The following KIF26B variants were observed in gnomAD, a reference collection of about 807,000 sequenced individuals.
KIF26B encodes the protein kinesin family member 26B.
Under a neutral mutation model 151.2 loss-of-function variants are expected in KIF26B, and 63 were observed. That is an observed-to-expected ratio of 0.42 (90% CI 0.34 to 0.51). The LOEUF is 0.51. Ranked by LOEUF, KIF26B falls within the 20% of genes least tolerant of loss-of-function variation. The pLI is 0.07. For synonymous variants in KIF26B, 1,357 were observed against 1,262.1 expected, an observed-to-expected ratio of 1.08 and a Z score of -1.59; for missense variants, 2,813 against 2,913.6, an observed-to-expected ratio of 0.97 and a Z score of 0.79.
rs1187463221 is a variant in KIF26B, at chr1:245,705,323, T to C, written c.*2717T>C. The C allele has an allele frequency of 6.6e-6, 1 of 152,186 alleles. No homozygotes were observed. Among genetic ancestry groups the C allele is most frequent in the African/African-American group, 2.4e-5 (1 of 41,434 alleles). 9.4% of individuals were successfully genotyped at this position (152,186 alleles called of 1,614,324 possible). A position where few individuals can be genotyped will look rare whatever the true frequency, so the allele number is the denominator to read the frequency against. On this transcript the variant is annotated 3_prime_UTR_variant, in exon 15 of 15. Transcript: ENST00000407071. The stretch of plus-strand genomic sequence containing the variant: ...AGCTGCAAACATGTTAATTTACCAA[T>C]ATTGATAAACCACATGAAGAAATCA...
At chr1:245,230,849 G>A (rs186403494) in intron 2 of KIF26B, among the ~76,000 whole-genome samples, 1 of 151,812 alleles carries the variant, frequency 6.6e-6, no homozygotes, top group East Asian at 1.9e-4. Context: ...CCTCCAACAT[G>A]AACTAAATAT....
chr1:245,259,336 C>T (rs1043641878), intron 2 of KIF26B, among the ~76,000 whole-genome samples: 9 of 152,266 alleles, frequency 5.9e-5, no homozygotes, highest in Non-Finnish European at 8.8e-5. Context: ...CTGGCCTCCC[C>T]GCCCCACCAC....
At chr1:245,359,752 A>G (rs1672776469) in intron 2 of KIF26B, among the ~76,000 whole-genome samples, 1 of 144,742 alleles carries the variant, frequency 6.9e-6, no homozygotes, top group Admixed American at 7.2e-5. Flanking sequence ...CATGTTGTCC[A>G]GGCTGGTCTT....
At chr1:245,278,028 G>A (rs7520351) in intron 2 of KIF26B, among the ~76,000 whole-genome samples, 89,210 of 151,866 alleles carry the variant, frequency 0.59, 27,005 homozygotes, top group African/African-American at 0.73. Flanking sequence ...GTGGGGTGAA[G>A]TTATTAAATA....
intron 5 of KIF26B, among the ~76,000 whole-genome samples, chr1:245,591,907 C>G (rs932783902): frequency 6.6e-6 from 1 of 152,216 alleles, no homozygotes. Flanking sequence ...GCCTGCCGGC[C>G]ATTAGCAGTG....
Position 245,156,660 on chromosome 1 carries a change from C to G in KIF26B, c.442C>G (p.Leu148Val). Reference sequence around the variant, plus strand: ...CAAGAGGCAGGCCCTGAGGTTGCTCCTCCCGGGGCCCTTCCCGGGCAAGGT... The same window carrying G: ...CAAGAGGCAGGCCCTGAGGTTGCTCGTCCCGGGGCCCTTCCCGGGCAAGGT... Reference protein sequence around the residue: ...ELKRQALRLLLPGPFPGKDPA... With the variant: ...ELKRQALRLLVPGPFPGKDPA... Residue 148 changes from leucine to valine, a missense_variant, in exon 2 of 15, where the codon CTC becomes GTC. Leu to Val is a conservative substitution (Grantham distance 32, BLOSUM62 1). Around this residue, in one of 3 missense-constraint regions of KIF26B, gnomAD observed 676 missense variants for 688.1 expected, o/e 0.98. Coordinates refer to ENST00000407071, the MANE Select transcript of KIF26B (RefSeq NM_018012.4). 1 of 1,503,826 alleles carries G rather than the reference C, an allele frequency of 6.6e-7. No individual in the cohort carries two copies. The highest frequency in any genetic ancestry group is 8.8e-7 in the Non-Finnish European group (1 of 1,133,672). The allele number at this position is 1,503,826 out of a possible 1,614,324, so 93.2% of individuals were successfully genotyped here.
intron 2 of KIF26B, among the ~76,000 whole-genome samples, chr1:245,298,287 TAAAC>T (rs796835358): frequency 6.6e-4 from 101 of 152,294 alleles, no homozygotes; most frequent in African/African-American, 2.4e-3. Flanking sequence ...GATGAAGAGA[TAAAC>T]AAAATGTGGT....
chr1:245,421,419 C>T (rs1424624947), intron 4 of KIF26B, among the ~76,000 whole-genome samples: 2 of 152,060 alleles, frequency 1.3e-5, no homozygotes, highest in Admixed American at 6.6e-5. Context: ...GGCTAAATAA[C>T]GAGGGAGGAG....
At chr1:245,231,684 G>T (rs1670001727) in intron 2 of KIF26B, among the ~76,000 whole-genome samples, 1 of 152,126 alleles carries the variant, frequency 6.6e-6, no homozygotes, top group African/African-American at 2.4e-5. Context: ...GAAGGAGGAG[G>T]AGGAGGATAA....
At position 245,560,750 on chromosome 1, in the gene KIF26B, C is replaced by A. The variant is rs2042939082; in HGVS notation, c.1350+19800C>A. 6.6e-6 allele frequency among the ~76,000 whole-genome samples: 1 copy of A among 152,210 alleles called. No homozygotes were observed. The highest frequency in any genetic ancestry group is 2.4e-5 in the African/African-American group (1 of 41,464). ...GTTAAACCTGCTGTCAAATGAGCTG[C>A]CTCCACTGAAGACTCCCCTCCGCTC... On this transcript the variant is annotated intron_variant, in intron 5 of 14. Coordinates refer to ENST00000407071, the MANE Select transcript of KIF26B (RefSeq NM_018012.4). The surrounding 1 kb of genome is among the most constrained non-coding windows in gnomAD (Gnocchi z 4.3).
intron 9 of KIF26B, among the ~76,000 whole-genome samples, chr1:245,621,231 A>G (rs1235712955): frequency 6.6e-6 from 1 of 152,194 alleles, no homozygotes; most frequent in Non-Finnish European, 1.5e-5. Flanking sequence ...GAGTTAAAAG[A>G]GCTTCTGCAT....
rs1660885938 is a variant in KIF26B, at chr1:245,513,661, C to G, written c.1167-27106C>G. On this transcript the variant is annotated intron_variant, in intron 4 of 14. Coordinates refer to ENST00000407071, the MANE Select transcript of KIF26B (RefSeq NM_018012.4). ...GCTGGTATGTTCTCTCTCTGGACAGCCGTCTTTCTAACAACGGGTGCTGTT... is the reference window on the plus strand; with the variant it reads ...GCTGGTATGTTCTCTCTCTGGACAGGCGTCTTTCTAACAACGGGTGCTGTT... Among the ~76,000 whole-genome samples the G allele has an allele frequency of 5.3e-5, 8 of 152,210 alleles. 1 individual carries two copies. Among genetic ancestry groups the G allele is most frequent in the Admixed American group, 5.2e-4 (8 of 15,290 alleles).
At chr1:245,323,676 C>T (rs1414832555) in intron 2 of KIF26B, among the ~76,000 whole-genome samples, 3 of 152,216 alleles carry the variant, frequency 2.0e-5, no homozygotes, top group African/African-American at 7.2e-5. Flanking sequence ...TGAAAAGACC[C>T]ACTCTCAAAG....
intron 5 of KIF26B, among the ~76,000 whole-genome samples, chr1:245,591,220 A>C (rs1235833719): frequency 6.6e-6 from 1 of 152,244 alleles, no homozygotes; most frequent in East Asian, 1.9e-4. Context: ...TTTACTAATG[A>C]GGAAACTATG....
rs1673263991 is a variant in KIF26B at position 245,375,984 on chromosome 1, AAGT to A, written c.999+8620_999+8622del. Among the ~76,000 whole-genome samples the A allele has an allele frequency of 1.3e-5, 2 of 152,170 alleles. No individual in the cohort carries two copies. Among genetic ancestry groups the A allele is most frequent in the African/African-American group, 4.8e-5 (2 of 41,432 alleles). On this transcript the variant is annotated intron_variant, in intron 3 of 14. Transcript: ENST00000407071. The surrounding 1 kb of genome is among the most constrained non-coding windows in gnomAD (Gnocchi z 4.2). Reference sequence around the variant, plus strand: ...TTCCCTATTGTTATAGAATCATAATAAGTAGCACACCACAGCGACTCTCCATTG... The same window carrying A: ...TTCCCTATTGTTATAGAATCATAATAAGCACACCACAGCGACTCTCCATTG...
intron 2 of KIF26B, among the ~76,000 whole-genome samples, chr1:245,189,631 C>A (rs893658710): frequency 3.9e-5 from 6 of 152,130 alleles, no homozygotes; most frequent in Admixed American, 1.3e-4. Context: ...TAGAGGTAAG[C>A]CCCCTACCAC....
Position 245,481,410 on chromosome 1 carries a change from A to G in KIF26B, c.1167-59357A>G, listed in dbSNP as rs760086724. ...CGTGCTCAAATGTAACGTAAAAAGG[A>G]CAATATAAAATATCAGGCTTCTGTG... is the stretch of plus-strand genomic sequence containing the variant. On this transcript the variant is annotated intron_variant, in intron 4 of 14. Transcript: ENST00000407071. 2.0e-5 allele frequency among the ~76,000 whole-genome samples: 3 copies of G among 151,922 alleles called. 1 individual carries two copies. Among genetic ancestry groups the G allele is most frequent in the Non-Finnish European group, 4.4e-5 (3 of 67,858 alleles).
intron 3 of KIF26B, among the ~76,000 whole-genome samples, chr1:245,385,828 A>G (rs1673529707): frequency 6.6e-6 from 1 of 152,228 alleles, no homozygotes; most frequent in Non-Finnish European, 1.5e-5. Context: ...GGAGGAAGAC[A>G]GCAGCAGAAG....
intron 4 of KIF26B, among the ~76,000 whole-genome samples, chr1:245,482,880 G>C (rs376614701): frequency 3.3e-5 from 5 of 151,816 alleles, no homozygotes; most frequent in Non-Finnish European, 5.9e-5. Flanking sequence ...GAAGCCTCAC[G>C]ATCTGGGAGG....
Sources: allele counts gnomAD v4.1 joint callset (sites outside exome capture counted in the v4.1 genomes callset), GRCh38; gene constraint gnomAD v4.1.1; regional missense constraint gnomAD v4.1.1; non-coding constraint Gnocchi (gnomAD v3.1); transcripts MANE v1.5; gene names NCBI Gene and HGNC (gene_info 2026-07-23, HGNC 2026-07-21).